COL5A2: variants seen among roughly 807,000 people sequenced by gnomAD.
The protein encoded by COL5A2 is collagen type V alpha 2 chain.
COL5A2 carries 23 observed loss-of-function variants against 208.2 expected under a neutral mutation model. The observed-to-expected ratio is 0.11, with a 90% CI of 0.08 to 0.16. COL5A2 has a LOEUF of 0.16. Among genes scored for constraint, COL5A2 ranks in the 10% least tolerant of loss-of-function variants. COL5A2 has a pLI of 1.00. For missense variants in COL5A2, 1,590 were observed against 1,956.4 expected, an observed-to-expected ratio of 0.81 and a Z score of 3.53; for synonymous variants, 625 against 628.5, an observed-to-expected ratio of 0.99 and a Z score of 0.08.
intron 1 of COL5A2, among the ~76,000 whole-genome samples, chr2:189,114,994 G>A (rs13391332): frequency 0.71 from 108,287 of 151,986 alleles, 39,548 homozygotes; most frequent in Non-Finnish European, 0.81. Flanking sequence ...GATTAGGACT[G>A]GTAGAAATCT....
chr2:189,428,218 A>G, the COL5A2 span, among the ~76,000 whole-genome samples: 25 of 152,288 alleles, frequency 1.6e-4, no homozygotes, highest in African/African-American at 4.6e-4. Flanking sequence ...ATAATCCCCA[A>G]TGCTGGAGGT....
At chr2:189,205,427 C>A (rs904429099) in intron 1 of COL5A2, among the ~76,000 whole-genome samples, 5 of 152,152 alleles carry the variant, frequency 3.3e-5, no homozygotes, top group Non-Finnish European at 7.4e-5. Context: ...ATCTCATGTT[C>A]TTAATTACAA....
intron 1 of COL5A2, among the ~76,000 whole-genome samples, chr2:189,164,364 T>C (rs1449695759): frequency 6.6e-6 from 1 of 152,160 alleles, no homozygotes; most frequent in Non-Finnish European, 1.5e-5. Context: ...TGTTTTTCTA[T>C]CTGTTCTGTT....
At chr2:189,140,839 T>C (rs1687921401) in intron 1 of COL5A2, among the ~76,000 whole-genome samples, 3 of 152,176 alleles carry the variant, frequency 2.0e-5, no homozygotes, top group Admixed American at 6.6e-5. Flanking sequence ...TAAAAATTAG[T>C]TTTAATAATT....
rs1206333245 is a variant in COL5A2 at position 189,086,783 on chromosome 2, TGAG to T, written c.646-16_646-14del. 1 of 1,574,990 alleles carries T rather than the reference TGAG, an allele frequency of 6.3e-7. No individual in the cohort carries two copies. The highest frequency in any genetic ancestry group is 8.6e-7 in the Non-Finnish European group (1 of 1,156,548). On this transcript the variant is annotated splice_polypyrimidine_tract_variant and intron_variant, in intron 8 of 53. Transcript: ENST00000374866. ...GGCCAACAGGACCCTTAAAAACAAA[TGAG>T]GAGAAACGTTGCAAAGTACTCATGA...
chr2:189,152,481 C>A (rs1278923756), intron 1 of COL5A2, among the ~76,000 whole-genome samples: 1 of 152,202 alleles, frequency 6.6e-6, no homozygotes, highest in Non-Finnish European at 1.5e-5. Flanking sequence ...TGTAGCTCAA[C>A]TCAAAATACA....
the COL5A2 span, among the ~76,000 whole-genome samples, chr2:189,237,367 G>A: frequency 8.0e-5 from 12 of 149,118 alleles, no homozygotes; most frequent in Non-Finnish European, 1.6e-4. Context: ...ATAAGAATAA[G>A]GTCTTAGAAA....
At chr2:189,254,169 C>G in the COL5A2 span, among the ~76,000 whole-genome samples, 1 of 152,230 alleles carries the variant, frequency 6.6e-6, no homozygotes, top group African/African-American at 2.4e-5. Flanking sequence ...TGCCCTTGGG[C>G]ACTTTATTAT....
intron 1 of COL5A2, among the ~76,000 whole-genome samples, chr2:189,194,564 C>T (rs1017641551): frequency 1.3e-5 from 2 of 152,112 alleles, no homozygotes; most frequent in Admixed American, 6.5e-5. Flanking sequence ...AATATTCTAA[C>T]TCATATGTAT....
chr2:189,239,805 G>C, the COL5A2 span, among the ~76,000 whole-genome samples: 4 of 151,866 alleles, frequency 2.6e-5, no homozygotes, highest in Non-Finnish European at 5.9e-5. Context: ...AATAAAGACA[G>C]AAGAGGGGGC....
the COL5A2 span, among the ~76,000 whole-genome samples, chr2:189,423,547 G>A: frequency 4.6e-5 from 7 of 151,946 alleles, no homozygotes; most frequent in Non-Finnish European, 7.4e-5. Context: ...AAATATCACA[G>A]TGGATAACAC....
At chr2:189,214,895 T>C (rs894363351) in intron 1 of COL5A2, among the ~76,000 whole-genome samples, 4 of 152,216 alleles carry the variant, frequency 2.6e-5, no homozygotes, top group African/African-American at 9.6e-5. Flanking sequence ...CTGCACCTAT[T>C]ATTATCAGCT....
chr2:189,060,400 A>C (rs776181089), intron 31 of COL5A2, among the ~76,000 whole-genome samples: 4 of 152,234 alleles, frequency 2.6e-5, no homozygotes, highest in African/African-American at 9.6e-5. Context: ...AAAATAAATA[A>C]ATCTATGAGC....
intron 1 of COL5A2, among the ~76,000 whole-genome samples, chr2:189,128,045 T>C (rs987404778): frequency 1.3e-5 from 2 of 152,030 alleles, no homozygotes; most frequent in Non-Finnish European, 2.9e-5. Context: ...TGAGTAAGCA[T>C]ATAATACTGC....
chr2:189,325,134 G>A, the COL5A2 span, among the ~76,000 whole-genome samples: 99 of 151,940 alleles, frequency 6.5e-4, no homozygotes, highest in Middle Eastern at 0.01. Flanking sequence ...ACTTGGACAC[G>A]GGAAGGGGAA....
At chr2:189,159,687 A>T (rs937279892) in intron 1 of COL5A2, among the ~76,000 whole-genome samples, 1 of 145,056 alleles carries the variant, frequency 6.9e-6, no homozygotes, top group African/African-American at 2.6e-5. Context: ...ATGCATATTC[A>T]CTGAAAAAAT....
At position 189,174,016 on chromosome 2, in the gene COL5A2, T is replaced by C. The variant is rs926570109; in HGVS notation, c.97+5492A>G. On this transcript the variant is annotated intron_variant, in intron 1 of 53. Coordinates refer to ENST00000374866, the MANE Select transcript of COL5A2 (RefSeq NM_000393.5). ...ATGTCCATACATTTTAAGAATGCCATGTAAGGCCAGGTGATGATGCATTAA... is the reference window on the plus strand; with the variant it reads ...ATGTCCATACATTTTAAGAATGCCACGTAAGGCCAGGTGATGATGCATTAA... 2.0e-4 allele frequency among the ~76,000 whole-genome samples: 30 copies of C among 152,220 alleles called. 1 individual carries two copies. The highest frequency in any genetic ancestry group is 1.8e-3 in the Admixed American group (28 of 15,278).
At chr2:189,114,808 T>C (rs568209886) in intron 1 of COL5A2, among the ~76,000 whole-genome samples, 3 of 151,942 alleles carry the variant, frequency 2.0e-5, no homozygotes, top group African/African-American at 4.8e-5. Flanking sequence ...ATGGCACACG[T>C]TTACCTATGT....
At chr2:189,084,091 T>TCC in intron 11 of COL5A2, 54 bp from the exon 12 acceptor site, 2 of 1,208,562 alleles carry the variant, frequency 1.7e-6, no homozygotes, top group Non-Finnish European at 2.5e-6. Flanking sequence ...TAAAAGGTTC[T>TCC]TCTCTGAAAC....
Sources: gnomAD v4.1 joint callset for allele counts (sites outside exome capture counted in the v4.1 genomes callset) on GRCh38, gnomAD v4.1.1 for gene constraint, MANE v1.5 for transcripts, NCBI Gene and HGNC (gene_info 2026-07-23, HGNC 2026-07-21) for gene names.